Variants in TMEM260 observed in about 807,000 individuals in gnomAD.
TMEM260 encodes protein O-mannosyl-transferase TMEM260.
In TMEM260, 82 loss-of-function variants were observed where a neutral mutation model predicts 88.9. The observed-to-expected ratio is 0.92, with a 90% CI of 0.77 to 1.11. TMEM260 has a LOEUF of 1.11. Ranked by LOEUF, TMEM260 falls within the 50% of genes least tolerant of loss-of-function variation. The probability of loss-of-function intolerance (pLI) is 0.00; values close to 1 mark genes in which losing one functional copy is unlikely to be tolerated. For missense variants in TMEM260, 902 were observed against 853.4 expected (o/e 1.06, Z -0.71); for synonymous variants, 314 against 309.3 (o/e 1.02, Z -0.16).
rs142124191 is a variant in TMEM260, at chr14:56,616,174, T to C, written c.941+147T>C. ...AGCTGTCTATTAAGATAAACGTGTA[T>C]TGCTTTCTTCTATTCTGATTCTAAA... On this transcript the variant is annotated intron_variant, in intron 8 of 15. Transcript: ENST00000261556. 1,045 of 588,890 alleles carry C rather than the reference T, an allele frequency of 1.8e-3. 13 individuals carry two copies. The East Asian group carries it at 0.024, about 14-fold the overall frequency. 36.5% of individuals were successfully genotyped at this position (588,890 alleles called of 1,614,324 possible). A position where few individuals can be genotyped will look rare whatever the true frequency, so the allele number is the denominator to read the frequency against.
chr14:56,628,767 T>C (rs1888394946), intron 12 of TMEM260, among the ~76,000 whole-genome samples: 1 of 152,304 alleles, frequency 6.6e-6, no homozygotes, highest in Middle Eastern at 3.4e-3. Flanking sequence ...TATTTGAGTC[T>C]TATTTTACTA....
intron 3 of TMEM260, among the ~76,000 whole-genome samples, chr14:56,598,295 C>T (rs1173382188): frequency 1.3e-5 from 2 of 152,082 alleles, no homozygotes; most frequent in East Asian, 1.9e-4. Context: ...GGGGGATATG[C>T]GGTCCCAGAC....
chr14:56,611,072 T>C (rs924783631), intron 6 of TMEM260, among the ~76,000 whole-genome samples: 2 of 151,680 alleles, frequency 1.3e-5, no homozygotes, highest in African/African-American at 4.9e-5. Flanking sequence ...GTTCAAGTGA[T>C]TCTCCTGCCT....
chr14:56,616,607 A>G (rs918821091), intron 8 of TMEM260, among the ~76,000 whole-genome samples: 7 of 152,036 alleles, frequency 4.6e-5, no homozygotes, highest in African/African-American at 1.4e-4. Context: ...CTGTTCTTCT[A>G]TTGAGAGGTC....
At chr14:56,605,817 C>T in intron 5 of TMEM260, 134 bp downstream of exon 5, 1 of 506,728 alleles carries the variant, frequency 2.0e-6, no homozygotes. Flanking sequence ...TAGGGCCTAA[C>T]AATATTGACT....
At chr14:56,600,315 C>G (rs1047999707) in intron 3 of TMEM260, among the ~76,000 whole-genome samples, 1 of 152,036 alleles carries the variant, frequency 6.6e-6, no homozygotes, top group Admixed American at 6.6e-5. Flanking sequence ...ATTTTATTTT[C>G]AGAATTTTTA....
At chr14:56,659,547 G>A in the TMEM260 span, among the ~76,000 whole-genome samples, 1 of 152,216 alleles carries the variant, frequency 6.6e-6, no homozygotes, top group Non-Finnish European at 1.5e-5. Context: ...GCCCCAGGGA[G>A]CCTGAAGCTC....
chr14:56,638,844 G>T (rs764323900), intron 15 of TMEM260, among the ~76,000 whole-genome samples: 28 of 152,080 alleles, frequency 1.8e-4, no homozygotes, highest in Admixed American at 1.8e-3. Context: ...TAATTTGAAG[G>T]TGTCCCCAAC....
At chr14:56,624,427 A>T (rs1888114349) in intron 11 of TMEM260, among the ~76,000 whole-genome samples, 2 of 152,144 alleles carry the variant, frequency 1.3e-5, no homozygotes, top group Admixed American at 1.3e-4. Context: ...TACAAAAATT[A>T]TTCTGGTGTA....
intron 14 of TMEM260, among the ~76,000 whole-genome samples, chr14:56,635,222 GTGA>G (rs1888950990): frequency 6.6e-6 from 1 of 152,218 alleles, no homozygotes; most frequent in Non-Finnish European, 1.5e-5. Context: ...ACTGCTGCTA[GTGA>G]TGGAGTCCAA....
chr14:56,640,238 C>G (rs569365757), intron 15 of TMEM260, among the ~76,000 whole-genome samples: 1 of 152,306 alleles, frequency 6.6e-6, no homozygotes, highest in East Asian at 1.9e-4. Flanking sequence ...AAATGGGAGG[C>G]ACCCTCCCAG....
chr14:56,634,694 G>T (rs1810816), intron 13 of TMEM260, among the ~76,000 whole-genome samples: 121,591 of 151,946 alleles, frequency 0.8, 48,918 homozygotes, highest in East Asian at 1. Flanking sequence ...ATACAAAAAT[G>T]AGCTGGGTGT....
chr14:56,642,483 A>G (rs1399731855), intron 15 of TMEM260, among the ~76,000 whole-genome samples: 1 of 152,232 alleles, frequency 6.6e-6, no homozygotes, highest in Non-Finnish European at 1.5e-5. Flanking sequence ...ACAACATACC[A>G]GAATCTCTGG....
chr14:56,624,217 A>G (rs1254234329), intron 11 of TMEM260, among the ~76,000 whole-genome samples: 1 of 152,202 alleles, frequency 6.6e-6, no homozygotes, highest in Non-Finnish European at 1.5e-5. Flanking sequence ...TGAATAAAAT[A>G]ATGGCTATTT....
chr14:56,641,422 A>ATAC (rs1234162821), intron 15 of TMEM260, among the ~76,000 whole-genome samples: 1 of 152,218 alleles, frequency 6.6e-6, no homozygotes, highest in Non-Finnish European at 1.5e-5. Flanking sequence ...ACTAAGCTTC[A>ATAC]TAAGTGAAGG....
At position 56,580,043 on chromosome 14, in the gene TMEM260, C is replaced by G; in HGVS notation, c.129C>G (p.Thr43=). 8.0e-7 allele frequency: 1 copy of G among 1,251,648 alleles called. No individual in the cohort carries two copies. The highest frequency in any genetic ancestry group is 4.1e-5 in the Admixed American group (1 of 24,190). The allele number at this position is 1,251,648 out of a possible 1,614,324, so 77.5% of individuals were successfully genotyped here. A position where few individuals can be genotyped will look rare whatever the true frequency, so the allele number is the denominator to read the frequency against. Residue 43 remains threonine, a synonymous_variant, in exon 1 of 16, where the codon ACC becomes ACG. Coordinates refer to ENST00000261556, the MANE Select transcript of TMEM260 (RefSeq NM_017799.4). ...CCGTGGCCGCAGTGTTCACCTTCAC[C>G]CTGCCCCCTTCGGTACCGGGGGGAG... The part of the protein sequence containing the change: ...FAAVAAVFTF[T]LPPSVPGGDS...
Position 56,636,696 on chromosome 14 carries a change from ATTATT to A in TMEM260, c.1869+105_1869+109del, listed in dbSNP as rs1889118049. On this transcript the variant is annotated intron_variant, in intron 15 of 15. Coordinates refer to ENST00000261556, the MANE Select transcript of TMEM260 (RefSeq NM_017799.4). ...GAGGGTATATCACATTAGAATTTTT[ATTATT>A]TTATTTCTCTCAATTTGGGTGGTAT... The A allele has an allele frequency of 1.0e-5, 11 of 1,052,280 alleles. No individual in the cohort carries two copies. The East Asian group carries it at 1.3e-4, about 12-fold the overall frequency. 65.2% of individuals were successfully genotyped at this position (1,052,280 alleles called of 1,614,324 possible). A position where few individuals can be genotyped will look rare whatever the true frequency, so the allele number is the denominator to read the frequency against.
At chr14:56,660,317 G>T in the TMEM260 span, among the ~76,000 whole-genome samples, 24 of 152,220 alleles carry the variant, frequency 1.6e-4, no homozygotes, top group African/African-American at 5.8e-4. Flanking sequence ...CTGTCAATAC[G>T]TGGGAGACTT....
At chr14:56,610,947 TTTTC>T (rs199554429) in intron 6 of TMEM260, among the ~76,000 whole-genome samples, 1,556 of 148,630 alleles carry the variant, frequency 0.01, 29 homozygotes, top group East Asian at 0.078. Context: ...CCAAATATTC[TTTTC>T]TTTCTTTCTT....
Sources: allele counts gnomAD v4.1 joint callset (sites outside exome capture counted in the v4.1 genomes callset), GRCh38; gene constraint gnomAD v4.1.1; transcripts MANE v1.5; gene names NCBI Gene and HGNC (gene_info 2026-07-23, HGNC 2026-07-21).